Variants in LEMD1 observed in about 807,000 individuals in gnomAD.
LEMD1 encodes LEM domain containing 1.
Under a neutral mutation model 17.4 loss-of-function variants are expected in LEMD1, and 18 were observed. That is an observed-to-expected ratio of 1.04 (90% CI 0.72 to 1.54). The LOEUF is 1.54. Among genes scored for constraint, LEMD1 ranks in the 40% most tolerant of loss-of-function variants. LEMD1 has a pLI of 0.00. For missense variants in LEMD1, 195 were observed against 210.4 expected, an observed-to-expected ratio of 0.93 and a Z score of 0.45; for synonymous variants, 88 against 77.8, an observed-to-expected ratio of 1.13 and a Z score of -0.69.
At chr1:205,398,996 C>T (rs2102378361) in intron 4 of LEMD1, among the ~76,000 whole-genome samples, 1 of 152,208 alleles carries the variant, frequency 6.6e-6, no homozygotes, top group African/African-American at 2.4e-5. Flanking sequence ...GGGTGGATCA[C>T]CTGAGGTCAG....
At chr1:205,411,293 C>A (rs1028968401) in intron 4 of LEMD1, among the ~76,000 whole-genome samples, 7 of 149,608 alleles carry the variant, frequency 4.7e-5, no homozygotes, top group Non-Finnish European at 8.9e-5. Context: ...GAGGGCCAGG[C>A]GCAGTGGCTC....
intron 4 of LEMD1, among the ~76,000 whole-genome samples, chr1:205,393,255 TATA>T (rs1437040654): frequency 1.3e-5 from 2 of 152,208 alleles, no homozygotes; most frequent in African/African-American, 4.8e-5. Context: ...TAAGATTCCT[TATA>T]ATAAGATAAT....
chr1:205,393,106 A>G (rs936974295), intron 4 of LEMD1, among the ~76,000 whole-genome samples: 29 of 152,144 alleles, frequency 1.9e-4, no homozygotes, highest in African/African-American at 6.3e-4. Context: ...CTTGCACATC[A>G]TATATCTGGG....
At chr1:205,383,800 A>AT (rs2102331335) in intron 5 of LEMD1, among the ~76,000 whole-genome samples, 1 of 150,734 alleles carries the variant, frequency 6.6e-6, no homozygotes, top group East Asian at 2.0e-4. Flanking sequence ...CGTCTGGCTA[A>AT]TTTTTTTGTG....
At position 205,394,720 on chromosome 1, in the gene LEMD1, C is replaced by T. The variant is rs369927971; in HGVS notation, c.271-10356G>A. Among the ~76,000 whole-genome samples the T allele has an allele frequency of 3.3e-5, 5 of 151,932 alleles. No individual in the cohort carries two copies. The East Asian group carries it at 5.8e-4, about 18-fold the overall frequency. On this transcript the variant is annotated intron_variant, in intron 4 of 5. Transcript: ENST00000367153. Reference sequence around the variant, plus strand: ...TTTATTTTATTTTGAGACCCAGTCTCGCTCATGCCTGTAATCTCAGCACCT... The same window carrying T: ...TTTATTTTATTTTGAGACCCAGTCTTGCTCATGCCTGTAATCTCAGCACCT...
chr1:205,422,684 C>T (rs1665996172), upstream of LEMD1, among the ~76,000 whole-genome samples: 1 of 152,180 alleles, frequency 6.6e-6, no homozygotes, highest in African/African-American at 2.4e-5. Context: ...GACTATTAGC[C>T]TGCATCTTTC....
chr1:205,403,039 C>T (rs916913172), intron 4 of LEMD1, among the ~76,000 whole-genome samples: 1 of 151,846 alleles, frequency 6.6e-6, no homozygotes, highest in African/African-American at 2.4e-5. Context: ...CCTTGCAACC[C>T]AGGGATGAAG....
upstream of LEMD1, among the ~76,000 whole-genome samples, chr1:205,422,443 T>A (rs548696589): frequency 6.6e-6 from 1 of 152,308 alleles, no homozygotes; most frequent in East Asian, 1.9e-4. Flanking sequence ...GAAACCTGTA[T>A]TAATTTGTTA....
chr1:205,400,237 T>G (rs947361299), intron 4 of LEMD1, among the ~76,000 whole-genome samples: 1 of 152,104 alleles, frequency 6.6e-6, no homozygotes, highest in African/African-American at 2.4e-5. Flanking sequence ...AATTTTTATG[T>G]TTTTTTGTAG....
At chr1:205,385,633 G>T (rs1257640913) in intron 4 of LEMD1, 2 of 152,238 alleles carry the variant, frequency 1.3e-5, no homozygotes, top group African/African-American at 2.4e-5. Context: ...TATCAAGCAT[G>T]GTTATTTTGT....
At chr1:205,428,846 C>CTA (rs557192674) in intron 1 of LEMD1, among the ~76,000 whole-genome samples, 221 of 152,218 alleles carry the variant, frequency 1.5e-3, no homozygotes, top group Middle Eastern at 3.4e-3. Context: ...ATTTGGTGAC[C>CTA]TATCAAAGGT....
intron 1 of LEMD1, among the ~76,000 whole-genome samples, chr1:205,439,286 T>C (rs111454469): frequency 0.012 from 1,891 of 152,326 alleles, 40 homozygotes; most frequent in African/African-American, 0.043. Flanking sequence ...CTGTTTATAA[T>C]TCTTTGGATA....
intron 1 of LEMD1, among the ~76,000 whole-genome samples, chr1:205,434,362 T>TAATA (rs1553399173): frequency 6.9e-6 from 1 of 144,652 alleles, no homozygotes; most frequent in Non-Finnish European, 1.5e-5. Context: ...TATATATATA[T>TAATA]TATATATATA....
chr1:205,429,171 T>C (rs571027799), intron 1 of LEMD1, among the ~76,000 whole-genome samples: 1 of 152,346 alleles, frequency 6.6e-6, no homozygotes, highest in African/African-American at 2.4e-5. Flanking sequence ...CCATCTCCAA[T>C]GACCTAGAGA....
At chr1:205,432,019 C>A (rs1666132152) in intron 1 of LEMD1, among the ~76,000 whole-genome samples, 2 of 152,060 alleles carry the variant, frequency 1.3e-5, no homozygotes, top group South Asian at 4.1e-4. Flanking sequence ...CCGCCCAACA[C>A]AGAAGCTTTA....
intron 1 of LEMD1, chr1:205,436,836 A>G (rs3738744): frequency 0.76 from 116,178 of 152,140 alleles, 45,338 homozygotes; most frequent in East Asian, 0.93. Flanking sequence ...CCACCTTTGC[A>G]GTTGTGAACC....
In LEMD1 at chr1:205,389,559, C is replaced by T. The variant is rs78978225; in HGVS notation, c.271-5195G>A. Among the ~76,000 whole-genome samples the T allele has an allele frequency of 1.9e-3, 291 of 152,278 alleles. 2 individuals carry two copies. Among genetic ancestry groups the T allele is most frequent in the African/African-American group, 6.5e-3 (270 of 41,566 alleles). Reference sequence around the variant, plus strand: ...TTTCCTACCCTTTCTTTCTCTTATTCTCCCAAGACTCCTTACCGCTGGACT... The same window carrying T: ...TTTCCTACCCTTTCTTTCTCTTATTTTCCCAAGACTCCTTACCGCTGGACT... On this transcript the variant is annotated intron_variant, in intron 4 of 5. Transcript: ENST00000367153.
chr1:205,424,964 T>C (rs927086136), upstream of LEMD1, among the ~76,000 whole-genome samples: 5 of 152,172 alleles, frequency 3.3e-5, no homozygotes, highest in African/African-American at 1.2e-4. Flanking sequence ...ATGATTCCAT[T>C]TGGGGGAGGA....
At chr1:205,382,117 T>C (rs1160729955) in intron 5 of LEMD1, 4 of 464,642 alleles carry the variant, frequency 8.6e-6, no homozygotes, top group Non-Finnish European at 1.2e-5. Context: ...TCCTCCCACG[T>C]CTGCCTCTCG....
Sources: allele counts gnomAD v4.1 joint callset (sites outside exome capture counted in the v4.1 genomes callset), GRCh38; gene constraint gnomAD v4.1.1; transcripts MANE v1.5; gene names NCBI Gene and HGNC (gene_info 2026-07-23, HGNC 2026-07-21).